The following RYR1 variants were observed in gnomAD, a reference collection of about 807,000 sequenced individuals.
RYR1 encodes the protein central core disease of muscle.
Under a neutral mutation model 583.5 loss-of-function variants are expected in RYR1, and 342 were observed. The observed-to-expected ratio is 0.59, with a 90% CI of 0.54 to 0.64. The LOEUF (loss-of-function observed/expected upper bound fraction) is 0.64, where lower values mean the gene tolerates loss of function less well. Among genes scored for constraint, RYR1 ranks in the 30% least tolerant of loss-of-function variants. The pLI is 0.00. For missense variants in RYR1, 6,032 were observed against 6,917.2 expected (o/e 0.87, Z 4.54); for synonymous variants, 2,791 against 2,822.5 (o/e 0.99, Z 0.35).
intron 71 of RYR1, among the ~76,000 whole-genome samples, chr19:38,526,400 C>T (rs758655273): frequency 7.9e-5 from 12 of 151,728 alleles, no homozygotes; most frequent in Non-Finnish European, 1.5e-4. Flanking sequence ...TAAAGACCAC[C>T]GACTTCTCCC....
intron 58 of RYR1, among the ~76,000 whole-genome samples, 154 bp from the exon 59 acceptor site, chr19:38,510,344 G>T (rs1348549878): frequency 6.6e-6 from 1 of 152,080 alleles, no homozygotes; most frequent in African/African-American, 2.4e-5. Flanking sequence ...TGAAAGATAG[G>T]AGAAAGGTTT....
chr19:38,466,178 T>C lies in RYR1; in HGVS notation c.2958T>C (p.Arg986=), dbSNP rs767256987. The change falls in exon 24 of 106, where the codon CGT becomes CGC. Residue 986 remains arginine (R), a synonymous_variant. Coordinates refer to ENST00000359596, the MANE Select transcript of RYR1 (RefSeq NM_000540.3). ...LTPAQTTLVD[R]LAENGHNVWA... ...CGGCGCAGACGACACTGGTGGACCG[T>C]CTGGCAGAAAATGGGCACAACGTGT... The C allele has an allele frequency of 2.5e-6, 4 of 1,613,524 alleles. No individual in the cohort carries two copies. The highest frequency in any genetic ancestry group is 1.7e-6 in the Non-Finnish European group (2 of 1,179,956).
rs1971044538 is a variant in RYR1 at position 38,517,813 on chromosome 19, T to G, written c.10018+122T>G. 3.2e-6 allele frequency: 3 copies of G among 947,758 alleles called. No individual in the cohort carries two copies. In the East Asian group the frequency reaches 7.6e-5, roughly 24 times the overall value. The allele number at this position is 947,758 out of a possible 1,614,324, so 58.7% of individuals were successfully genotyped here. On this transcript the variant is annotated intron_variant, in intron 66 of 105. Coordinates refer to ENST00000359596, the MANE Select transcript of RYR1 (RefSeq NM_000540.3). Reference sequence around the variant, plus strand: ...TGGGAGGAGTCAGAGTGTAGGTTTTTTCAGCATCAAAAGACCAGGGGTCAG... The same window carrying G: ...TGGGAGGAGTCAGAGTGTAGGTTTTGTCAGCATCAAAAGACCAGGGGTCAG...
chr19:38,566,879 G>C (rs1318668667), intron 91 of RYR1, 32 bp from the exon 92 acceptor site: 1 of 1,587,334 alleles, frequency 6.3e-7, no homozygotes, highest in East Asian at 2.3e-5. Context: ...CTTAGGGTGA[G>C]GACTCAGCCC....
intron 94 of RYR1, 111 bp from the exon 95 acceptor site, chr19:38,571,908 C>T (rs1973730875): frequency 1.3e-6 from 2 of 1,513,450 alleles, no homozygotes; most frequent in Admixed American, 1.8e-5. Context: ...GACAGCCACA[C>T]CAAGACTGTA....
In RYR1 at chr19:38,451,743, C is replaced by T. The variant is rs556856901; in HGVS notation, c.1123-21C>T. 1.7e-5 allele frequency: 27 copies of T among 1,613,868 alleles called. No homozygotes were observed. In the South Asian group the frequency reaches 2.5e-4, roughly 15 times the overall value. ...CCTGGGTGGCTGGGCCCACTCCAGA[C>T]CTCTGTCTCCCCACTCCTAGGCCAT... On this transcript the variant is annotated intron_variant, in intron 11 of 105. Transcript: ENST00000359596.
intron 20 of RYR1, among the ~76,000 whole-genome samples, chr19:38,462,108 A>G (rs1380122427): frequency 6.6e-6 from 1 of 152,142 alleles, no homozygotes; most frequent in East Asian, 1.9e-4. Flanking sequence ...GCATGTCCCT[A>G]TAGGAGGGAA....
rs1314566176 is a variant in RYR1 at position 38,460,575 on chromosome 19, C to T, written c.2561C>T (p.Pro854Leu). 6.2e-7 allele frequency: 1 copy of T among 1,612,114 alleles called. No homozygotes were observed. Among genetic ancestry groups the T allele is most frequent in the Non-Finnish European group, 8.5e-7 (1 of 1,180,016 alleles). ...TCACACACCGACTTCGTGCCCTGCCCTGTGGACACTGTCCAGGTACTGCCT... is the reference window on the plus strand; with the variant it reads ...TCACACACCGACTTCGTGCCCTGCCTTGTGGACACTGTCCAGGTACTGCCT... ...CLSHTDFVPC[P>L]VDTVQIVLPP... Residue 854 changes from proline to leucine, a missense_variant, in exon 20 of 106, where the codon CCT becomes CTT. By Grantham distance (98) the Pro-to-Leu change is moderately conservative. This residue lies in a region of RYR1 where 2,627 missense variants were observed against 2,961.3 expected (regional missense o/e 0.89). Coordinates refer to ENST00000359596, the MANE Select transcript of RYR1 (RefSeq NM_000540.3).
chr19:38,484,532 G>A (rs952831291), intron 33 of RYR1, among the ~76,000 whole-genome samples: 1 of 149,528 alleles, frequency 6.7e-6, no homozygotes, highest in Non-Finnish European at 1.5e-5. Context: ...GTGCTAGGTA[G>A]TATTCCAGGC....
In RYR1 at chr19:38,451,748, G is replaced by C; in HGVS notation, c.1123-16G>C. The C allele has an allele frequency of 6.2e-7, 1 of 1,613,960 alleles. No individual in the cohort carries two copies. Among genetic ancestry groups the C allele is most frequent in the Non-Finnish European group, 8.5e-7 (1 of 1,179,984 alleles). On this transcript the variant is annotated splice_polypyrimidine_tract_variant and intron_variant, in intron 11 of 105. Coordinates refer to ENST00000359596, the MANE Select transcript of RYR1 (RefSeq NM_000540.3). ...GTGGCTGGGCCCACTCCAGACCTCT[G>C]TCTCCCCACTCCTAGGCCATGCTGC...
At chr19:38,466,611 C>T (rs1968124340) in intron 24 of RYR1, among the ~76,000 whole-genome samples, 1 of 151,746 alleles carries the variant, frequency 6.6e-6, no homozygotes, top group African/African-American at 2.4e-5. Flanking sequence ...ACACCATTCT[C>T]CTGCCTCAGC....
intron 33 of RYR1, among the ~76,000 whole-genome samples, chr19:38,485,095 A>G (rs1969215152): frequency 6.6e-6 from 1 of 152,140 alleles, no homozygotes; most frequent in South Asian, 2.1e-4. Flanking sequence ...TGGAATTTAC[A>G]TTCTAATGGC....
Position 38,470,134 on chromosome 19 carries a change from C to T in RYR1, c.3765+621C>T, listed in dbSNP as rs185007722. On this transcript the variant is annotated intron_variant, in intron 27 of 105. Transcript: ENST00000359596. The stretch of plus-strand genomic sequence containing the variant: ...TGAGCCAAGATTGCGCCCTTGCACT[C>T]CAGCCTGGGCAAGGAGAGCGAAACT... Among the ~76,000 whole-genome samples the T allele has an allele frequency of 2.1e-3, 316 of 151,274 alleles. 1 individual carries two copies. Among genetic ancestry groups the T allele is most frequent in the Non-Finnish European group, 3.9e-3 (263 of 67,854 alleles).
Position 38,496,659 on chromosome 19 carries a change from TCTGGCC to T in RYR1, c.6796+122_6796+127del. 1 of 1,358,534 alleles carries T rather than the reference TCTGGCC, an allele frequency of 7.4e-7. No homozygotes were observed. Among genetic ancestry groups the T allele is most frequent in the Non-Finnish European group, 1.0e-6 (1 of 958,278 alleles). 84.2% of individuals were successfully genotyped at this position (1,358,534 alleles called of 1,614,324 possible). ...ACAAACACTCCCTCTCAACTGTGGT[TCTGGCC>T]CTGTAATGAGTAATGCTGGGGACAC... On this transcript the variant is annotated intron_variant, in intron 41 of 105. Transcript: ENST00000359596. The surrounding 1 kb of genome is among the most constrained non-coding windows in gnomAD (Gnocchi z 4.8).
intron 93 of RYR1, among the ~76,000 whole-genome samples, chr19:38,568,649 T>G (rs1304639332): frequency 4.0e-5 from 6 of 149,368 alleles, no homozygotes; most frequent in Non-Finnish European, 8.9e-5. Flanking sequence ...CTACTCAGGA[T>G]GCTGAGGCAT....
Position 38,459,349 on chromosome 19 carries a change from G to GC in RYR1, c.2360+16dup, listed in dbSNP as rs755069139. On this transcript the variant is annotated intron_variant, in intron 19 of 105. Transcript: ENST00000359596. ...CTCGGCTGGTGTCAAGTGAGAACTT[G>GC]CCCCCACCCCACGGCCAGTCCTCAG... The GC allele has an allele frequency of 9.3e-6, 15 of 1,613,406 alleles. No homozygotes were observed. The African/African-American group carries it at 1.9e-4, about 20-fold the overall frequency.
Position 38,460,486 on chromosome 19 carries a change from C to T in RYR1, c.2472C>T (p.Pro824=). 6.2e-7 allele frequency: 1 copy of T among 1,614,232 alleles called. No individual in the cohort carries two copies. The highest frequency in any genetic ancestry group is 1.3e-5 in the African/African-American group (1 of 75,066). The change falls in exon 20 of 106, where the codon CCC becomes CCT. Residue 824 remains proline (P), a synonymous_variant. Transcript: ENST00000359596. ...VLPRERLHLE[P]IKEYRREGPR... ...CTCGAGAGCGACTCCATCTTGAACC[C>T]ATCAAGGAGTATCGACGGGAGGGGC...
chr19:38,564,457 G>A (rs1180542634), intron 90 of RYR1, among the ~76,000 whole-genome samples: 2 of 152,162 alleles, frequency 1.3e-5, no homozygotes, highest in Admixed American at 6.5e-5. Flanking sequence ...CCCTGGGGAC[G>A]AAGGTTACAG....
At chr19:38,511,753 G>C (rs1482433613) in intron 61 of RYR1, 143 bp downstream of exon 61, 31 of 1,061,680 alleles carry the variant, frequency 2.9e-5, no homozygotes, top group East Asian at 4.9e-5. Flanking sequence ...AGGTATCCGG[G>C]GGGTAGGGCA....
Sources: gnomAD v4.1 joint callset for allele counts (sites outside exome capture counted in the v4.1 genomes callset) on GRCh38, gnomAD v4.1.1 for gene constraint, gnomAD v4.1.1 regional missense constraint, Gnocchi (gnomAD v3.1) non-coding constraint, MANE v1.5 for transcripts, NCBI Gene and HGNC (gene_info 2026-07-23, HGNC 2026-07-21) for gene names.